Variants in EMILIN1 observed in about 807,000 individuals in gnomAD.
The protein encoded by EMILIN1 is elastin microfibril interfacer 1.
In EMILIN1, 49 loss-of-function variants were observed where a neutral mutation model predicts 82.4. The observed-to-expected ratio is 0.59, with a 90% CI of 0.47 to 0.75. The LOEUF (loss-of-function observed/expected upper bound fraction) is 0.75, where lower values mean the gene tolerates loss of function less well. Ranked by LOEUF, EMILIN1 falls within the 30% of genes least tolerant of loss-of-function variation. The probability of loss-of-function intolerance (pLI) is 0.00; values close to 1 mark genes in which losing one functional copy is unlikely to be tolerated. For missense variants in EMILIN1, 1,313 were observed against 1,366.4 expected (o/e 0.96, Z 0.62); for synonymous variants, 604 against 602.2 (o/e 1.00, Z -0.04).
In EMILIN1 at chr2:27,086,134, A is replaced by T; in HGVS notation, c.*119A>T. ...GGGCGAGCGCCGCACCCGGGCCCGC[A>T]GCGGCACCGCGCCCAGAGCGGCCTC... On this transcript the variant is annotated 3_prime_UTR_variant, in exon 8 of 8. Transcript: ENST00000380320. 1.3e-6 allele frequency: 1 copy of T among 742,832 alleles called. No homozygotes were observed. The highest frequency in any genetic ancestry group is 1.9e-6 in the Non-Finnish European group (1 of 529,868). 46.0% of individuals were successfully genotyped at this position (742,832 alleles called of 1,614,324 possible). A position where few individuals can be genotyped will look rare whatever the true frequency, so the allele number is the denominator to read the frequency against.
chr2:27,085,696 T>C lies in EMILIN1; in HGVS notation c.2732T>C (p.Leu911Pro). The change falls in exon 8 of 8, where the codon CTG (leucine) becomes CCG (proline). Residue 911 changes from leucine (L) to proline (P), a missense_variant. Transcript: ENST00000380320. ...DPETGVFTAP[L>P]AGRYLLSAVL... The stretch of plus-strand genomic sequence containing the variant: ...TCCCCAGGCGTGTTCACAGCGCCAC[T>C]GGCTGGACGCTACTTGCTGAGCGCG... The C allele has an allele frequency of 6.2e-7, 1 of 1,600,420 alleles. No homozygotes were observed. Among genetic ancestry groups the C allele is most frequent in the Non-Finnish European group, 8.5e-7 (1 of 1,169,672 alleles).
At chr2:27,080,492 CA>C (rs1669454732) in intron 2 of EMILIN1, among the ~76,000 whole-genome samples, 1 of 152,146 alleles carries the variant, frequency 6.6e-6, no homozygotes, top group Non-Finnish European at 1.5e-5. Context: ...TGGGATGGCT[CA>C]GGCTCAAGCA....
In EMILIN1 at chr2:27,083,852, G is replaced by A; in HGVS notation, c.2281G>A (p.Gly761Arg). The A allele has an allele frequency of 6.2e-7, 1 of 1,605,050 alleles. No individual in the cohort carries two copies. The highest frequency in any genetic ancestry group is 8.5e-7 in the Non-Finnish European group (1 of 1,173,428). The stretch of plus-strand genomic sequence containing the variant: ...CAGACACGTGGCTGGGCTCTGGGCT[G>A]GGCTCCGGGAAACCAACACCACCAG... ...LSRHVAGLWA[G>R]LRETNTTSQM... The change falls in exon 4 of 8, where the codon GGG becomes AGG. Residue 761 changes from glycine (G) to arginine (R), a missense_variant. Gly to Arg is a moderately radical substitution (Grantham distance 125, BLOSUM62 -2). Coordinates refer to ENST00000380320, the MANE Select transcript of EMILIN1 (RefSeq NM_007046.4).
At chr2:27,081,084 G>C (rs956137803) in intron 3 of EMILIN1, 132 bp downstream of exon 3, 1 of 659,112 alleles carries the variant, frequency 1.5e-6, no homozygotes, top group Non-Finnish European at 2.6e-6. Flanking sequence ...AGAAGGGTTA[G>C]TGAGATCGCA....
At position 27,083,681 on chromosome 2, in the gene EMILIN1, G is replaced by C. The variant is rs1212452562; in HGVS notation, c.2110G>C (p.Glu704Gln). The change falls in exon 4 of 8, where the codon GAA (glutamate) becomes CAA (glutamine). Residue 704 changes from glutamate to glutamine, a missense_variant. Glu to Gln is a conservative substitution (Grantham distance 29). Transcript: ENST00000380320. Reference protein sequence around the residue: ...QEATEHATESEERFRGLEEGQ... With the variant: ...QEATEHATESQERFRGLEEGQ... ...GGCCACAGAGCATGCTACAGAGAGT[G>C]AAGAGCGCTTCCGAGGCCTAGAGGA... 6.2e-7 allele frequency: 1 copy of C among 1,613,958 alleles called. No homozygotes were observed. Among genetic ancestry groups the C allele is most frequent in the Admixed American group, 1.7e-5 (1 of 60,016 alleles).
At position 27,080,189 on chromosome 2, in the gene EMILIN1, G is replaced by A; in HGVS notation, c.209G>A (p.Cys70Tyr). The A allele has an allele frequency of 6.2e-7, 1 of 1,614,120 alleles. No homozygotes were observed. The highest frequency in any genetic ancestry group is 8.5e-7 in the Non-Finnish European group (1 of 1,179,962). Residue 70 changes from cysteine to tyrosine, a missense_variant, in exon 2 of 8, where the codon TGT becomes TAT. Cys to Tyr is a radical substitution (Grantham distance 194). Transcript: ENST00000380320. ...TACGTGGTGACCCGGACAGTGAGCTGTGTCCTTGAGGATGGAGTGGAGACA... is the reference window on the plus strand; with the variant it reads ...TACGTGGTGACCCGGACAGTGAGCTATGTCCTTGAGGATGGAGTGGAGACA... ...CAYVVTRTVS[C>Y]VLEDGVETYV...
chr2:27,079,222 G>A lies in EMILIN1; in HGVS notation c.157G>A (p.Ala53Thr), dbSNP rs1669434303. ...GPQAQIAPRP[A>T]SRHRNWCAYV... ...CCAGGCCCAGATTGCCCCCCGGCCA[G>A]CCAGCCGCCACAGGTAAGAGTCTGG... The change falls in exon 1 of 8, where the codon GCC becomes ACC. Residue 53 changes from alanine (A) to threonine (T), a missense_variant. Transcript: ENST00000380320. 6.4e-7 allele frequency: 1 copy of A among 1,564,138 alleles called. No homozygotes were observed. Among genetic ancestry groups the A allele is most frequent in the Non-Finnish European group, 8.6e-7 (1 of 1,161,738 alleles).
At chr2:27,080,642 C>A in intron 2 of EMILIN1, 90 bp from the exon 3 acceptor site, 1 of 1,106,638 alleles carries the variant, frequency 9.0e-7, no homozygotes, top group African/African-American at 1.6e-5. Flanking sequence ...ACAGGCCATG[C>A]CCACCAGCAG....
chr2:27,080,884 C>T lies in EMILIN1; in HGVS notation c.443C>T (p.Ala148Val). 6.2e-7 allele frequency: 1 copy of T among 1,607,426 alleles called. No homozygotes were observed. Among genetic ancestry groups the T allele is most frequent in the Non-Finnish European group, 8.5e-7 (1 of 1,177,342 alleles). Residue 148 changes from alanine to valine, a missense_variant, in exon 3 of 8, where the codon GCC becomes GTC. Ala to Val is a moderately conservative substitution (Grantham distance 64). Coordinates refer to ENST00000380320, the MANE Select transcript of EMILIN1 (RefSeq NM_007046.4). ...GCGTCTTCCACACCACGGCCCCTGG[C>T]CCGGCCTGCCCGCCCCAACCTCTCT... ...GPASSTPRPL[A>V]RPARPNLSGS... is the part of the protein sequence containing the mutation.
Position 27,084,889 on chromosome 2 carries a change from C to T in EMILIN1, c.2558-102C>T, listed in dbSNP as rs886356992. The stretch of plus-strand genomic sequence containing the variant: ...GATACCCCAATTCCTGCTTTGAAGT[C>T]CACGTAGCACCGAGCACAACAGGAG... On this transcript the variant is annotated intron_variant, in intron 5 of 7. Coordinates refer to ENST00000380320, the MANE Select transcript of EMILIN1 (RefSeq NM_007046.4). The T allele has an allele frequency of 2.5e-5, 28 of 1,117,580 alleles. No homozygotes were observed. In the African/African-American group the frequency reaches 3.8e-4, roughly 15 times the overall value. The allele number at this position is 1,117,580 out of a possible 1,614,324, so 69.2% of individuals were successfully genotyped here.
intron 7 of EMILIN1, 91 bp downstream of exon 7, chr2:27,085,388 A>C (rs1669588135): frequency 6.7e-7 from 1 of 1,496,788 alleles, no homozygotes; most frequent in South Asian, 1.1e-5. Flanking sequence ...CGACAGTGTG[A>C]ATCTTCATTC....
chr2:27,084,012 G>A lies in EMILIN1; in HGVS notation c.2440+1G>A, dbSNP rs776190588. On this transcript the variant is annotated splice_donor_variant, in intron 4 of 7. Transcript: ENST00000380320. LOFTEE classifies it high-confidence loss of function. ...CAGCTCAGCCTGAAGGACCTCACTG[G>A]TGAGGGGACAAAAGGCATGAGGGGA... 2 of 1,486,826 alleles carry A rather than the reference G, an allele frequency of 1.3e-6. No individual in the cohort carries two copies. Among genetic ancestry groups the A allele is most frequent in the Non-Finnish European group, 1.8e-6 (2 of 1,115,756 alleles). 92.1% of individuals were successfully genotyped at this position (1,486,826 alleles called of 1,614,324 possible).
At chr2:27,081,445 G>A (rs1669475163) in intron 3 of EMILIN1, among the ~76,000 whole-genome samples, 1 of 152,088 alleles carries the variant, frequency 6.6e-6, no homozygotes, top group Non-Finnish European at 1.5e-5. Flanking sequence ...CCTCCTGCGT[G>A]CTGCACACCG....
Position 27,085,013 on chromosome 2 carries a change from G to A in EMILIN1, c.2575+5G>A. On this transcript the variant is annotated splice_donor_5th_base_variant and intron_variant, in intron 6 of 7. Transcript: ENST00000380320. ...CAGGTCCTCAAGGTGAACAGGGTGA[G>A]TGCCTTTCATTTGATTCTGGAGGGA... The A allele has an allele frequency of 6.2e-7, 1 of 1,613,944 alleles. No homozygotes were observed. Among genetic ancestry groups the A allele is most frequent in the East Asian group, 2.2e-5 (1 of 44,886 alleles).
chr2:27,080,204 G>C lies in EMILIN1; in HGVS notation c.224G>C (p.Gly75Ala), dbSNP rs1669449782. The C allele has an allele frequency of 3.7e-6, 6 of 1,614,144 alleles. No individual in the cohort carries two copies. Among genetic ancestry groups the C allele is most frequent in the Non-Finnish European group, 3.4e-6 (4 of 1,179,976 alleles). ...ACAGTGAGCTGTGTCCTTGAGGATG[G>C]AGTGGAGACATATGTCAAGTACCAG... ...TRTVSCVLED[G>A]VETYVKYQPC... The change falls in exon 2 of 8, where the codon GGA becomes GCA. Residue 75 changes from glycine to alanine, a missense_variant. Physicochemically the swap from Gly to Ala is moderately conservative, Grantham distance 60 (BLOSUM62 0). Coordinates refer to ENST00000380320, the MANE Select transcript of EMILIN1 (RefSeq NM_007046.4).
chr2:27,080,741 C>T lies in EMILIN1; in HGVS notation c.300C>T (p.Arg100=), dbSNP rs1193391784. The T allele has an allele frequency of 6.2e-7, 1 of 1,612,836 alleles. No individual in the cohort carries two copies. The highest frequency in any genetic ancestry group is 8.5e-7 in the Non-Finnish European group (1 of 1,179,640). Residue 100 remains arginine, a synonymous_variant, in exon 3 of 8, where the codon CGC becomes CGT. Transcript: ENST00000380320. ...CTTCTGCCTCTGCCAGGTACCGCCGCTTCCTCCGCCCTCGCTACCGTGTGG... is the reference window on the plus strand; with the variant it reads ...CTTCTGCCTCTGCCAGGTACCGCCGTTTCCTCCGCCCTCGCTACCGTGTGG... The part of the protein sequence containing the change: ...PQCPQSIMYR[R]FLRPRYRVAY...
intron 1 of EMILIN1, 36 bp from the exon 2 acceptor site, chr2:27,080,114 CT>C: frequency 6.2e-7 from 1 of 1,612,068 alleles, no homozygotes; most frequent in Non-Finnish European, 8.5e-7. Flanking sequence ...GGGCATGTAT[CT>C]TTGGTCCTTG....
intron 2 of EMILIN1, 48 bp from the exon 3 acceptor site, chr2:27,080,684 A>G (rs1440343734): frequency 6.7e-7 from 1 of 1,493,882 alleles, no homozygotes; most frequent in Non-Finnish European, 9.1e-7. Context: ...GACCAGGGTC[A>G]CTGACCGTAC....
rs1039560853 is a variant in EMILIN1, at chr2:27,082,685, G to A, written c.1114G>A (p.Val372Met). ...LAELERRLDVVAGSVTVLSGR... is the reference protein window; with the variant it reads ...LAELERRLDVMAGSVTVLSGR... ...AGAGCTGGAGCGCAGGCTGGATGTC[G>A]TGGCCGGCTCAGTGACAGTGCTGAG... Residue 372 changes from valine (V) to methionine (M), a missense_variant, in exon 4 of 8, where the codon GTG (valine) becomes ATG (methionine). Coordinates refer to ENST00000380320, the MANE Select transcript of EMILIN1 (RefSeq NM_007046.4). The A allele has an allele frequency of 6.4e-6, 10 of 1,554,316 alleles. No homozygotes were observed. Among genetic ancestry groups the A allele is most frequent in the South Asian group, 2.3e-5 (2 of 85,456 alleles).
Sources: gnomAD v4.1 joint callset for allele counts (sites outside exome capture counted in the v4.1 genomes callset) on GRCh38, gnomAD v4.1.1 for gene constraint, MANE v1.5 for transcripts, NCBI Gene and HGNC (gene_info 2026-07-23, HGNC 2026-07-21) for gene names.